RNF121: variants seen among roughly 807,000 people sequenced by gnomAD.
RNF121 encodes the protein E3 ubiquitin ligase RNF121.
A neutral mutation model predicts 46.5 loss-of-function variants in RNF121; 21 were observed. The observed-to-expected ratio is 0.45, with a 90% CI of 0.32 to 0.65. The LOEUF (loss-of-function observed/expected upper bound fraction) is 0.65. Ranked by LOEUF, RNF121 falls within the 30% of genes least tolerant of loss-of-function variation. RNF121 has a pLI of 0.04. For synonymous variants in RNF121, 139 were observed against 144.7 expected (o/e 0.96, Z 0.28); for missense variants, 346 against 416.0 (o/e 0.83, Z 1.46).
intron 3 of RNF121, among the ~76,000 whole-genome samples, chr11:71,967,612 G>A (rs993222675): frequency 2.0e-5 from 3 of 151,950 alleles, no homozygotes; most frequent in African/African-American, 4.8e-5. Context: ...TTTTTAGTAC[G>A]TGGTTTCACC....
intron 1 of RNF121, among the ~76,000 whole-genome samples, chr11:71,948,544 A>C (rs1201163689): frequency 1.5e-5 from 2 of 132,560 alleles, no homozygotes; most frequent in African/African-American, 2.7e-5. Context: ...AAAAAAGCTT[A>C]TCAACTCAGC....
intron 3 of RNF121, among the ~76,000 whole-genome samples, chr11:71,968,619 A>T (rs1293345704): frequency 6.6e-6 from 1 of 152,186 alleles, no homozygotes; most frequent in Non-Finnish European, 1.5e-5. Context: ...CACCTATGTA[A>T]TTACGTAGAC....
At chr11:71,994,911 A>T (rs1453490327) in intron 7 of RNF121, 59 bp downstream of exon 7, 4 of 1,607,762 alleles carry the variant, frequency 2.5e-6, no homozygotes, top group Non-Finnish European at 3.4e-6. Context: ...CTGTAGTGAG[A>T]GAGAGAAAGA....
chr11:71,934,329 A>G (rs966018799), intron 1 of RNF121, among the ~76,000 whole-genome samples: 2 of 152,196 alleles, frequency 1.3e-5, no homozygotes, highest in Non-Finnish European at 2.9e-5. Flanking sequence ...AGAAAGAGTG[A>G]TAAGTACATG....
chr11:71,930,734 C>T (rs958587254), intron 1 of RNF121, among the ~76,000 whole-genome samples: 7 of 152,154 alleles, frequency 4.6e-5, no homozygotes, highest in Non-Finnish European at 1.0e-4. Flanking sequence ...TAGTCATGGG[C>T]TCTCCCTTGA....
intron 1 of RNF121, among the ~76,000 whole-genome samples, chr11:71,956,851 T>G (rs1373915600): frequency 6.6e-6 from 1 of 152,170 alleles, no homozygotes; most frequent in Non-Finnish European, 1.5e-5. Context: ...CACCCCAGAT[T>G]GGGTTAAAAG....
At chr11:71,947,488 A>AT (rs1419627444) in intron 1 of RNF121, among the ~76,000 whole-genome samples, 4 of 151,668 alleles carry the variant, frequency 2.6e-5, no homozygotes, top group Non-Finnish European at 2.9e-5. Context: ...TGTCTCAAAA[A>AT]AAAAAAAGGA....
chr11:71,991,954 C>CAA (rs113137594), intron 6 of RNF121, among the ~76,000 whole-genome samples: 2 of 123,856 alleles, frequency 1.6e-5, no homozygotes, highest in African/African-American at 6.0e-5. Flanking sequence ...AAAAATGAGA[C>CAA]AAAAAAAAAA....
At chr11:71,929,165 C>T in intron 1 of RNF121, 41 bp downstream of exon 1, 1 of 1,540,876 alleles carries the variant, frequency 6.5e-7, no homozygotes, top group South Asian at 1.2e-5. Flanking sequence ...CAACCTGAGA[C>T]TGAGGGGAGG....
intron 1 of RNF121, among the ~76,000 whole-genome samples, chr11:71,953,790 A>G (rs538879410): frequency 2.0e-5 from 3 of 152,298 alleles, no homozygotes; most frequent in South Asian, 4.1e-4. Context: ...AGATGCAGAG[A>G]TCATAGGGTT....
intron 1 of RNF121, among the ~76,000 whole-genome samples, chr11:71,935,279 A>G (rs1164638936): frequency 6.6e-6 from 1 of 152,192 alleles, no homozygotes; most frequent in East Asian, 1.9e-4. Context: ...TAAGATATGT[A>G]CTATTATTAT....
chr11:71,959,114 A>T (rs1014928515), intron 2 of RNF121, among the ~76,000 whole-genome samples: 2 of 152,216 alleles, frequency 1.3e-5, no homozygotes, highest in East Asian at 3.9e-4. Context: ...GGCCATGGCC[A>T]TATAGGTGGG....
intron 1 of RNF121, among the ~76,000 whole-genome samples, chr11:71,946,116 AG>A (rs576957792): frequency 0.022 from 3,273 of 151,818 alleles, 43 homozygotes; most frequent in Middle Eastern, 0.071. Context: ...GCCTTAAAAA[AG>A]AAAAGAAAAG....
At chr11:71,992,893 G>T (rs1325201774) in intron 6 of RNF121, among the ~76,000 whole-genome samples, 2 of 152,028 alleles carry the variant, frequency 1.3e-5, no homozygotes, top group African/African-American at 4.8e-5. Flanking sequence ...AAAGTAGTAT[G>T]TTCTCTTTGT....
At position 71,960,719 on chromosome 11, in the gene RNF121, A is replaced by T. The variant is rs760093454; in HGVS notation, c.102-31A>T. On this transcript the variant is annotated intron_variant, in intron 2 of 8. Transcript: ENST00000361756. ...TCCCTTTATCACTACAGCATCCCTG[A>T]CTTGATTCACCCCATGTGTTTGGCT... 4 of 1,603,506 alleles carry T rather than the reference A, an allele frequency of 2.5e-6. No homozygotes were observed. The Admixed American group carries it at 6.7e-5, about 27-fold the overall frequency.
chr11:71,989,951 C>A (rs1360302308), intron 5 of RNF121, among the ~76,000 whole-genome samples: 1 of 152,128 alleles, frequency 6.6e-6, no homozygotes, highest in Non-Finnish European at 1.5e-5. Flanking sequence ...TCTAGGATAT[C>A]ATGTAGGTAC....
chr11:71,979,264 C>T (rs765510381), intron 3 of RNF121, among the ~76,000 whole-genome samples: 1 of 152,096 alleles, frequency 6.6e-6, no homozygotes, highest in African/African-American at 2.4e-5. Context: ...CAAGAAAGGA[C>T]GGAGGACCTC....
At chr11:71,994,926 G>A (rs1954944243) in intron 7 of RNF121, 74 bp downstream of exon 7, 2 of 1,590,998 alleles carry the variant, frequency 1.3e-6, no homozygotes, top group Non-Finnish European at 1.7e-6. Context: ...GAAAGAGGGT[G>A]GTCATGACCC....
chr11:71,969,075 CAG>C (rs1034210030), intron 3 of RNF121, among the ~76,000 whole-genome samples: 2 of 151,756 alleles, frequency 1.3e-5, no homozygotes, highest in Admixed American at 1.3e-4. Context: ...TTAGTAGAGA[CAG>C]AGTTTCACCA....
Sources: allele counts gnomAD v4.1 joint callset (sites outside exome capture counted in the v4.1 genomes callset), GRCh38; gene constraint gnomAD v4.1.1; transcripts MANE v1.5; gene names NCBI Gene and HGNC (gene_info 2026-07-23, HGNC 2026-07-21).